FBN2: variants seen among roughly 807,000 people sequenced by gnomAD.
FBN2 encodes the protein fibrillin-2.
Under a neutral mutation model 355.6 loss-of-function variants are expected in FBN2, and 105 were observed. That is an observed-to-expected ratio of 0.30 (90% CI 0.25 to 0.35). The LOEUF (loss-of-function observed/expected upper bound fraction) is 0.35. Among genes scored for constraint, FBN2 ranks in the 10% least tolerant of loss-of-function variants. The probability of loss-of-function intolerance (pLI) is 1.00; values close to 1 mark genes in which losing one functional copy is unlikely to be tolerated. For synonymous variants in FBN2, 1,350 were observed against 1,301.2 expected, an observed-to-expected ratio of 1.04 and a Z score of -0.81; for missense variants, 3,280 against 3,758.7, an observed-to-expected ratio of 0.87 and a Z score of 3.33.
At chr5:128,321,188 A>G (rs1455025818) in intron 34 of FBN2, among the ~76,000 whole-genome samples, 3 of 152,230 alleles carry the variant, frequency 2.0e-5, no homozygotes, top group African/African-American at 7.2e-5. Context: ...AATGCTTATT[A>G]TCTTTACAAT....
At chr5:128,275,469 A>T (rs2126806747) in intron 59 of FBN2, among the ~76,000 whole-genome samples, 1 of 151,672 alleles carries the variant, frequency 6.6e-6, no homozygotes, top group Non-Finnish European at 1.5e-5. Context: ...TATGCCTTGG[A>T]AATAAAACCT....
rs1764914190 is a variant in FBN2 at position 128,259,667 on chromosome 5, T to C, written c.8527A>G (p.Ser2843Gly). ...TTCCTTTGGTGGATGCGGAAGACGCTGTCATCGTTCCCTTGAGAGATGACA... is the reference window on the plus strand; with the variant it reads ...TTCCTTTGGTGGATGCGGAAGACGCCGTCATCGTTCCCTTGAGAGATGACA... ...RYVISQGNDD[S>G]VFRIHQRNGL... is the part of the protein sequence containing the mutation. Residue 2843 changes from serine to glycine, a missense_variant, in exon 65 of 65, where the codon AGC becomes GGC. Ser to Gly is a moderately conservative substitution (Grantham distance 56). Coordinates refer to ENST00000262464, the MANE Select transcript of FBN2 (RefSeq NM_001999.4). 4 of 1,614,088 alleles carry C rather than the reference T, an allele frequency of 2.5e-6. No individual in the cohort carries two copies. The highest frequency in any genetic ancestry group is 3.4e-6 in the Non-Finnish European group (4 of 1,179,996).
chr5:128,466,860 C>A (rs968488568), intron 5 of FBN2, among the ~76,000 whole-genome samples: 1 of 152,086 alleles, frequency 6.6e-6, no homozygotes, highest in Non-Finnish European at 1.5e-5. Flanking sequence ...TGTCAGGTTG[C>A]AAACTTTTAA....
rs181321460 is a variant in FBN2 at position 128,339,644 on chromosome 5, G to T, written c.3344-583C>A. On this transcript the variant is annotated intron_variant, in intron 25 of 64. Coordinates refer to ENST00000262464, the MANE Select transcript of FBN2 (RefSeq NM_001999.4). ...CAGAAGGATGAACCCTGCAACTGTG[G>T]TATGGGCTGAATGAGGCAGGTGGTA... Among the ~76,000 whole-genome samples, 206 of 152,306 alleles carry T rather than the reference G, an allele frequency of 1.4e-3. 1 individual carries two copies. Among genetic ancestry groups the T allele is most frequent in the African/African-American group, 4.7e-3 (195 of 41,578 alleles).
chr5:128,446,605 A>C lies in FBN2; in HGVS notation c.828T>G (p.Asp276Glu), dbSNP rs1304281166. The C allele has an allele frequency of 6.2e-7, 1 of 1,613,456 alleles. No individual in the cohort carries two copies. Among genetic ancestry groups the C allele is most frequent in the South Asian group, 1.1e-5 (1 of 91,080 alleles). ...IPNIRTGACQ[D>E]VDECQAIPGI... Reference sequence around the variant, plus strand: ...CTGGGATAGCCTGGCATTCATCAACATCTGCAAGAAGAAAACATTTTGAAC... The same window carrying C: ...CTGGGATAGCCTGGCATTCATCAACCTCTGCAAGAAGAAAACATTTTGAAC... The change falls in exon 7 of 65, where the codon GAT (aspartate) becomes GAG (glutamate). Residue 276 changes from aspartate (D) to glutamate (E), a missense_variant and splice_region_variant. By Grantham distance (45) the Asp-to-Glu change is conservative. Coordinates refer to ENST00000262464, the MANE Select transcript of FBN2 (RefSeq NM_001999.4).
At chr5:128,433,792 G>A (rs1753692535) in intron 7 of FBN2, among the ~76,000 whole-genome samples, 1 of 152,032 alleles carries the variant, frequency 6.6e-6, no homozygotes, top group Non-Finnish European at 1.5e-5. Flanking sequence ...GCTAGACTGG[G>A]ACAAAAATAT....
intron 11 of FBN2, among the ~76,000 whole-genome samples, chr5:128,389,522 CAAG>C (rs1752455079): frequency 6.6e-6 from 1 of 152,178 alleles, no homozygotes; most frequent in Non-Finnish European, 1.5e-5. Flanking sequence ...GTCCCATGGG[CAAG>C]ACTGCTCTGC....
intron 28 of FBN2, 77 bp from the exon 29 acceptor site, chr5:128,335,654 G>C (rs1335610231): frequency 6.5e-7 from 1 of 1,542,732 alleles, no homozygotes; most frequent in African/African-American, 1.4e-5. Context: ...AACAGATAAT[G>C]CTAATGTGGC....
intron 48 of FBN2, among the ~76,000 whole-genome samples, chr5:128,299,017 T>G (rs1370171630): frequency 1.3e-5 from 2 of 152,210 alleles, no homozygotes. Flanking sequence ...GGGCTTTTGG[T>G]GTGGATGTCC....
chr5:128,288,388 A>G (rs1227266820), intron 53 of FBN2, 50 bp downstream of exon 53: 1 of 1,596,966 alleles, frequency 6.3e-7, no homozygotes, highest in South Asian at 1.1e-5. Context: ...GACATTAAAA[A>G]ACACTTTCTA....
intron 4 of FBN2, among the ~76,000 whole-genome samples, chr5:128,527,260 C>T (rs1756586752): frequency 6.6e-6 from 1 of 152,176 alleles, no homozygotes; most frequent in South Asian, 2.1e-4. Context: ...TCCTTACACT[C>T]TTGCTAAAAG....
Position 128,357,514 on chromosome 5 carries a change from G to A in FBN2, c.2555-119C>T, listed in dbSNP as rs562803565. 6 of 1,189,110 alleles carry A rather than the reference G, an allele frequency of 5.0e-6. No individual in the cohort carries two copies. The Admixed American group carries it at 1.1e-4, about 21-fold the overall frequency. 73.7% of individuals were successfully genotyped at this position (1,189,110 alleles called of 1,614,324 possible). Reference sequence around the variant, plus strand: ...AACTTGGCTCTGGTAATTTTAATATGGATCTATGAAGCATAAAGTGAATGG... The same window carrying A: ...AACTTGGCTCTGGTAATTTTAATATAGATCTATGAAGCATAAAGTGAATGG... On this transcript the variant is annotated intron_variant, in intron 19 of 64. Transcript: ENST00000262464.
rs760317034 is a variant in FBN2 at position 128,300,911 on chromosome 5, G to A, written c.6072C>T (p.Pro2024=). 22 of 1,613,514 alleles carry A rather than the reference G, an allele frequency of 1.4e-5. No homozygotes were observed. Among genetic ancestry groups the A allele is most frequent in the African/African-American group, 5.3e-5 (4 of 74,900 alleles). The change falls in exon 48 of 65, where the codon CCC becomes CCT. Residue 2024 remains proline (P), a synonymous_variant. Transcript: ENST00000262464. Reference sequence around the variant, plus strand: ...GACAGGTACCAGGAGAGCAAGAGCCGGGAAGGGCGACACACTCATTAGTGT... The same window carrying A: ...GACAGGTACCAGGAGAGCAAGAGCCAGGAAGGGCGACACACTCATTAGTGT... ...CIDTNECVAL[P]GSCSPGTCQN...
intron 20 of FBN2, among the ~76,000 whole-genome samples, chr5:128,352,948 G>A (rs922012866): frequency 2.0e-5 from 3 of 152,028 alleles, no homozygotes; most frequent in Admixed American, 6.5e-5. Context: ...TGAGGCAGTC[G>A]GATCGCTGGA....
chr5:128,289,735 A>G, intron 51 of FBN2, 147 bp downstream of exon 51: 1 of 626,418 alleles, frequency 1.6e-6, no homozygotes, highest in Non-Finnish European at 2.9e-6. Flanking sequence ...TGTATAATGT[A>G]TATGATACAA....
intron 48 of FBN2, among the ~76,000 whole-genome samples, chr5:128,297,109 C>T (rs897619405): frequency 6.6e-6 from 1 of 152,114 alleles, no homozygotes; most frequent in African/African-American, 2.4e-5. Flanking sequence ...AGTAGTCATT[C>T]AGGAGCAGGT....
chr5:128,291,436 T>C, intron 49 of FBN2, 93 bp downstream of exon 49: 1 of 1,419,286 alleles, frequency 7.0e-7, no homozygotes, highest in Non-Finnish European at 1.0e-6. Flanking sequence ...TAGACATGTA[T>C]TTTGTTAGGA....
chr5:128,467,981 C>G (rs568116667), intron 5 of FBN2, among the ~76,000 whole-genome samples: 6 of 152,098 alleles, frequency 3.9e-5, no homozygotes, highest in Non-Finnish European at 7.4e-5. Context: ...ATTTACGTAC[C>G]ATAATTCGCC....
intron 5 of FBN2, among the ~76,000 whole-genome samples, chr5:128,473,816 T>C (rs529941699): frequency 6.6e-6 from 1 of 152,258 alleles, no homozygotes; most frequent in East Asian, 1.9e-4. Context: ...TCTCTGTGCA[T>C]TGAGAGAAAC....
Sources: gnomAD v4.1 joint callset for allele counts (sites outside exome capture counted in the v4.1 genomes callset) on GRCh38, gnomAD v4.1.1 for gene constraint, MANE v1.5 for transcripts, NCBI Gene and HGNC (gene_info 2026-07-23, HGNC 2026-07-21) for gene names.